Variants in NKAIN3 observed in about 807,000 individuals in gnomAD.
The protein encoded by NKAIN3 is sodium/potassium-transporting ATPase subunit beta-1-interacting protein 3.
In NKAIN3, 25 loss-of-function variants were observed where a neutral mutation model predicts 30.2. The observed-to-expected ratio is 0.83, with a 90% CI of 0.60 to 1.16. NKAIN3 has a LOEUF of 1.16. NKAIN3 is among the 50% of genes most tolerant of loss of function. The probability of loss-of-function intolerance (pLI) is 0.00; values close to 1 mark genes in which losing one functional copy is unlikely to be tolerated. For synonymous variants in NKAIN3, 91 were observed against 89.6 expected (o/e 1.02, Z -0.09); for missense variants, 225 against 254.1 (o/e 0.89, Z 0.78).
chr8:62,588,521 A>G (rs1208400309), intron 2 of NKAIN3, among the ~76,000 whole-genome samples: 1 of 151,826 alleles, frequency 6.6e-6, no homozygotes, highest in African/African-American at 2.4e-5. Context: ...TTAAAAATTC[A>G]TAAATGACAG....
chr8:62,444,367 A>G (rs1805420222), intron 1 of NKAIN3, among the ~76,000 whole-genome samples: 1 of 152,076 alleles, frequency 6.6e-6, no homozygotes. Context: ...GTGTATTTGT[A>G]CCCACTAATC....
At chr8:62,307,335 C>T (rs1308885258) in intron 1 of NKAIN3, among the ~76,000 whole-genome samples, 2 of 149,606 alleles carry the variant, frequency 1.3e-5, no homozygotes, top group Non-Finnish European at 2.9e-5. Flanking sequence ...AACCCTGTTC[C>T]CCTTGTCTCT....
At chr8:62,851,829 T>G (rs900864894) in intron 4 of NKAIN3, among the ~76,000 whole-genome samples, 2 of 152,320 alleles carry the variant, frequency 1.3e-5, no homozygotes, top group Non-Finnish European at 2.9e-5. Context: ...GTGGATAAGC[T>G]TTTTGATGTG....
intron 4 of NKAIN3, among the ~76,000 whole-genome samples, chr8:62,851,651 G>T (rs1459402982): frequency 6.6e-6 from 1 of 152,130 alleles, no homozygotes; most frequent in Non-Finnish European, 1.5e-5. Flanking sequence ...AATTTATTGA[G>T]AGTTTTTAGC....
intron 1 of NKAIN3, among the ~76,000 whole-genome samples, chr8:62,552,909 A>G (rs755962747): frequency 1.3e-5 from 2 of 152,184 alleles, no homozygotes; most frequent in African/African-American, 2.4e-5. Flanking sequence ...TACAATTGCA[A>G]TCATGCTGGT....
chr8:62,563,493 G>T (rs1397427245), intron 1 of NKAIN3, among the ~76,000 whole-genome samples: 1 of 151,986 alleles, frequency 6.6e-6, no homozygotes, highest in Admixed American at 6.6e-5. Context: ...TGTCTTTAGT[G>T]CTGCTTGAAA....
chr8:62,949,480 C>T (rs1244284939), intron 5 of NKAIN3, among the ~76,000 whole-genome samples: 1 of 152,172 alleles, frequency 6.6e-6, no homozygotes, highest in East Asian at 1.9e-4. Flanking sequence ...GTGGCTAGAG[C>T]GAGTAACCAC....
At chr8:62,474,604 AC>A (rs1806455610) in intron 1 of NKAIN3, among the ~76,000 whole-genome samples, 1 of 152,200 alleles carries the variant, frequency 6.6e-6, no homozygotes, top group Non-Finnish European at 1.5e-5. Context: ...ATAGAACAAA[AC>A]CTTTTAAGTG....
chr8:62,643,454 G>C (rs1223929507), intron 3 of NKAIN3, among the ~76,000 whole-genome samples: 2 of 152,046 alleles, frequency 1.3e-5, no homozygotes, highest in East Asian at 3.9e-4. Flanking sequence ...GTGGAGAATT[G>C]GGCCCAAAAC....
chr8:62,316,444 A>G (rs1225030878), intron 1 of NKAIN3, among the ~76,000 whole-genome samples: 1 of 150,750 alleles, frequency 6.6e-6, no homozygotes, highest in East Asian at 2.0e-4. Flanking sequence ...CCACCCCACA[A>G]CAGTCCCCAC....
In NKAIN3 at chr8:62,966,810, C is replaced by T. The variant is rs1198248627; in HGVS notation, c.*1403C>T. ...TGAATATGTGGTTATTAACTCAGCC[C>T]ATGCATCTCTAAGAAGTCCGTCTAT... On this transcript the variant is annotated 3_prime_UTR_variant, in exon 7 of 7. Transcript: ENST00000623646. 6.6e-6 allele frequency among the ~76,000 whole-genome samples: 1 copy of T among 152,170 alleles called. No individual in the cohort carries two copies. The highest frequency in any genetic ancestry group is 1.5e-5 in the Non-Finnish European group (1 of 68,040).
At chr8:62,402,380 G>A (rs988195707) in intron 1 of NKAIN3, among the ~76,000 whole-genome samples, 2 of 152,200 alleles carry the variant, frequency 1.3e-5, no homozygotes, top group Non-Finnish European at 2.9e-5. Context: ...ACCTGGAATT[G>A]GGAACCTCAA....
At chr8:62,564,353 C>T (rs1032487859) in intron 1 of NKAIN3, among the ~76,000 whole-genome samples, 2 of 152,144 alleles carry the variant, frequency 1.3e-5, no homozygotes, top group African/African-American at 2.4e-5. Context: ...CCCACCCTCA[C>T]CCCCACTACC....
In NKAIN3 at chr8:62,967,958, T is replaced by C. The variant is rs1823748740; in HGVS notation, c.*2551T>C. ...AGCTTTGAGGAAAAAATCCTTACCT[T>C]AGTGATTTGTCTATGAATATTCAAT... On this transcript the variant is annotated 3_prime_UTR_variant, in exon 7 of 7. Coordinates refer to ENST00000623646, the MANE Select transcript of NKAIN3 (RefSeq NM_001304533.3). 6.6e-6 allele frequency among the ~76,000 whole-genome samples: 1 copy of C among 152,198 alleles called. No homozygotes were observed. Among genetic ancestry groups the C allele is most frequent in the South Asian group, 2.1e-4 (1 of 4,834 alleles).
At chr8:62,635,495 C>T (rs1812098856) in intron 3 of NKAIN3, among the ~76,000 whole-genome samples, 1 of 152,114 alleles carries the variant, frequency 6.6e-6, no homozygotes, top group African/African-American at 2.4e-5. Context: ...TTGGGAACTG[C>T]TTAGGAAAGT....
intron 1 of NKAIN3, among the ~76,000 whole-genome samples, chr8:62,328,088 A>C (rs1815205008): frequency 6.6e-6 from 1 of 152,118 alleles, no homozygotes; most frequent in South Asian, 2.1e-4. Flanking sequence ...ATGCCAACTT[A>C]TTCCATTTAT....
chr8:62,416,614 A>G (rs1456850174), intron 1 of NKAIN3, among the ~76,000 whole-genome samples: 1 of 152,226 alleles, frequency 6.6e-6, no homozygotes. Flanking sequence ...CACATCATGT[A>G]AAGTGAGATA....
At chr8:62,497,553 C>G (rs1807282559) in intron 1 of NKAIN3, among the ~76,000 whole-genome samples, 1 of 151,956 alleles carries the variant, frequency 6.6e-6, no homozygotes. Context: ...TCCCTTCCTA[C>G]CTACAAGTTT....
intron 3 of NKAIN3, among the ~76,000 whole-genome samples, chr8:62,610,808 C>G (rs1025851886): frequency 7.9e-5 from 12 of 151,984 alleles, no homozygotes; most frequent in African/African-American, 2.7e-4. Context: ...TTCCAGATGC[C>G]AAGATTCTGT....
Sources: gnomAD v4.1 joint callset for allele counts (sites outside exome capture counted in the v4.1 genomes callset) on GRCh38, gnomAD v4.1.1 for gene constraint, MANE v1.5 for transcripts, NCBI Gene and HGNC (gene_info 2026-07-23, HGNC 2026-07-21) for gene names.